Variants in KIAA1671 observed in about 807,000 individuals in gnomAD.
KIAA1671 encodes the protein KIAA1671, also known as uncharacterized protein KIAA1671.
A neutral mutation model predicts 131.2 loss-of-function variants in KIAA1671; 52 were observed. That is an observed-to-expected ratio of 0.40 (90% CI 0.32 to 0.50). The LOEUF (loss-of-function observed/expected upper bound fraction) is 0.50, where lower values mean the gene tolerates loss of function less well. Among genes scored for constraint, KIAA1671 ranks in the 20% least tolerant of loss-of-function variants. The pLI, the probability that KIAA1671 is intolerant of heterozygous loss-of-function variation, is 0.73. For synonymous variants in KIAA1671, 1,003 were observed against 961.6 expected (o/e 1.04, Z -0.80); for missense variants, 2,360 against 2,364.2 (o/e 1.00, Z 0.04).
chr22:25,100,431 C>T (rs1427474541), intron 6 of KIAA1671, among the ~76,000 whole-genome samples: 5 of 152,308 alleles, frequency 3.3e-5, no homozygotes, highest in Admixed American at 2.0e-4. Context: ...AAGGTCTTCC[C>T]TCCTATGACC....
intron 6 of KIAA1671, among the ~76,000 whole-genome samples, chr22:25,151,879 CA>C (rs1933057114): frequency 6.6e-6 from 1 of 152,130 alleles, no homozygotes; most frequent in Non-Finnish European, 1.5e-5. Context: ...GCTGGGACTA[CA>C]GGTGTGAGCC....
At chr22:25,092,906 G>C (rs948844002) in intron 6 of KIAA1671, among the ~76,000 whole-genome samples, 2 of 152,154 alleles carry the variant, frequency 1.3e-5, no homozygotes, top group Non-Finnish European at 2.9e-5. Flanking sequence ...GTGGCCCCTC[G>C]GCCCCCTGCA....
intron 1 of KIAA1671, among the ~76,000 whole-genome samples, chr22:24,990,164 C>T (rs1055078948): frequency 1.4e-4 from 21 of 151,988 alleles, no homozygotes; most frequent in African/African-American, 4.1e-4. Context: ...GATCTCAGCT[C>T]GCTGCAACCT....
Position 25,039,540 on chromosome 22 carries a change from G to A in KIAA1671, c.2410G>A (p.Gly804Ser). 1.3e-6 allele frequency: 2 copies of A among 1,551,844 alleles called. No homozygotes were observed. The highest frequency in any genetic ancestry group is 1.7e-6 in the Non-Finnish European group (2 of 1,147,028). Residue 804 changes from glycine to serine, a missense_variant, in exon 5 of 13, where the codon GGC becomes AGC. Gly to Ser is a moderately conservative substitution (Grantham distance 56, BLOSUM62 0). Around this residue, in one of 3 missense-constraint regions of KIAA1671, gnomAD observed 1,185 missense variants for 1,126.2 expected, o/e 1.05. Transcript: ENST00000358431. ...GGCCAGTTTGATTTGGGAAGCTCGA[G>A]GCATGCCTGAGGCTAGTGGACCGAA... ...QRASLIWEARGMPEASGPKFG... is the reference protein window; with the variant it reads ...QRASLIWEARSMPEASGPKFG...
At position 25,029,464 on chromosome 22, in the gene KIAA1671, G is replaced by T; in HGVS notation, c.1465G>T (p.Glu489Ter). ...GGAACGGATCAGAGGCTGGACTGCC[G>T]AGAGCTCAGAGGCTAAGCCCGAGGT... The part of the protein sequence containing the change: ...VQERIRGWTA[E>*]SSEAKPEVRR... Residue 489 changes from glutamate to a stop codon, truncating the protein, a stop_gained, in exon 3 of 13, where the codon GAG becomes TAG. Coordinates refer to ENST00000358431, the MANE Select transcript of KIAA1671 (RefSeq NM_001145206.2). LOFTEE classifies it high-confidence loss of function. 1 of 1,551,276 alleles carries T rather than the reference G, an allele frequency of 6.4e-7. No individual in the cohort carries two copies. Among genetic ancestry groups the T allele is most frequent in the Non-Finnish European group, 8.7e-7 (1 of 1,146,814 alleles).
chr22:25,009,750 T>G (rs562992877), intron 1 of KIAA1671: 14 of 152,096 alleles, frequency 9.2e-5, no homozygotes, highest in African/African-American at 3.4e-4. Context: ...CCCAGCTAAA[T>G]TTTTTGTATT....
At chr22:25,137,671 A>G (rs928389422) in intron 6 of KIAA1671, among the ~76,000 whole-genome samples, 8 of 152,238 alleles carry the variant, frequency 5.3e-5, no homozygotes, top group Admixed American at 1.3e-4. Flanking sequence ...ACCAACTTCT[A>G]TAAGTGTGTT....
intron 6 of KIAA1671, among the ~76,000 whole-genome samples, chr22:25,132,658 C>T (rs1432570634): frequency 6.6e-6 from 1 of 152,170 alleles, no homozygotes; most frequent in Non-Finnish European, 1.5e-5. Context: ...ACCTTAGACC[C>T]TGCCAGCTGT....
rs1930228036 is a variant in KIAA1671 at position 25,093,807 on chromosome 22, TCTCTG to T, written c.4530+44444_4530+44448del. On this transcript the variant is annotated intron_variant, in intron 6 of 12. Transcript: ENST00000358431. Reference sequence around the variant, plus strand: ...CTCTCTCTCTCTCTCTCTCTCTCTCTCTCTGTCTCTCTCTCTTTCTCTCTCTGTCT... The same window carrying T: ...CTCTCTCTCTCTCTCTCTCTCTCTCTTCTCTCTCTCTTTCTCTCTCTGTCT... Among the ~76,000 whole-genome samples, 8 of 138,252 alleles carry T rather than the reference TCTCTG, an allele frequency of 5.8e-5. 1 individual carries two copies. The highest frequency in any genetic ancestry group is 2.1e-4 in the African/African-American group (8 of 37,276). The allele number at this position is 138,252 out of a possible 152,430, so 90.7% of individuals were successfully genotyped here.
chr22:25,162,452 A>G (rs1029236758), intron 6 of KIAA1671, among the ~76,000 whole-genome samples: 1 of 152,208 alleles, frequency 6.6e-6, no homozygotes, highest in African/African-American at 2.4e-5. Flanking sequence ...GTTCTTTCTT[A>G]GGCGGATGTG....
intron 1 of KIAA1671, among the ~76,000 whole-genome samples, chr22:24,977,054 T>A (rs1569196534): frequency 6.6e-6 from 1 of 152,124 alleles, no homozygotes; most frequent in Non-Finnish European, 1.5e-5. Context: ...AGTAGAACCA[T>A]CTCAGAGAGC....
chr22:25,002,705 C>G (rs1020945751), intron 1 of KIAA1671, among the ~76,000 whole-genome samples: 21 of 152,186 alleles, frequency 1.4e-4, no homozygotes, highest in Admixed American at 1.2e-3. Context: ...GCTGAACCCT[C>G]CCTGAGAAAC....
chr22:25,150,520 G>A (rs905577201), intron 6 of KIAA1671, among the ~76,000 whole-genome samples: 1 of 152,162 alleles, frequency 6.6e-6, no homozygotes, highest in African/African-American at 2.4e-5. Context: ...CACTCTTTCG[G>A]GCTGCCCCTG....
At chr22:24,960,935 A>G (rs1921987408) in intron 1 of KIAA1671, among the ~76,000 whole-genome samples, 1 of 152,182 alleles carries the variant, frequency 6.6e-6, no homozygotes. Flanking sequence ...GCCATAGGAC[A>G]TGGCCTCTGG....
intron 6 of KIAA1671, among the ~76,000 whole-genome samples, chr22:25,134,282 G>A (rs1464194717): frequency 6.6e-6 from 1 of 152,118 alleles, no homozygotes; most frequent in African/African-American, 2.4e-5. Context: ...GGATTCTTGT[G>A]TTTACCATGG....
intron 9 of KIAA1671, among the ~76,000 whole-genome samples, chr22:25,181,401 T>A (rs1193829324): frequency 7.5e-6 from 1 of 134,070 alleles, no homozygotes; most frequent in Admixed American, 8.1e-5. Flanking sequence ...AAAGATTTCC[T>A]TCTATTCCCT....
In KIAA1671 at chr22:25,194,534, T is replaced by G. The variant is rs1247261863; in HGVS notation, c.*2133T>G. ...CTCATGCAAAACTCTCAATTCTTAA[T>G]TAGTCATGTCTCAGCTCAAGGATAT... On this transcript the variant is annotated 3_prime_UTR_variant, in exon 13 of 13. Transcript: ENST00000358431. 2 of 152,202 alleles carry G rather than the reference T, an allele frequency of 1.3e-5. No individual in the cohort carries two copies. Among genetic ancestry groups the G allele is most frequent in the African/African-American group, 4.8e-5 (2 of 41,448 alleles). The allele number at this position is 152,202 out of a possible 1,614,324, so 9.4% of individuals were successfully genotyped here. A position where few individuals can be genotyped will look rare whatever the true frequency, so the allele number is the denominator to read the frequency against.
At chr22:25,155,927 T>G (rs1048687778) in intron 6 of KIAA1671, among the ~76,000 whole-genome samples, 4 of 145,270 alleles carry the variant, frequency 2.8e-5, no homozygotes, top group Non-Finnish European at 4.5e-5. Flanking sequence ...TGTATATATA[T>G]TTATATAAAT....
chr22:25,019,093 T>TGTGTGTGTGTG (rs56396537), intron 1 of KIAA1671, among the ~76,000 whole-genome samples: 3 of 146,118 alleles, frequency 2.1e-5, no homozygotes, highest in Admixed American at 7.0e-5. Context: ...TGTGTGTGTG[T>TGTGTGTGTGTG]TTTAATTAAG....
Sources: gnomAD v4.1 joint callset for allele counts (sites outside exome capture counted in the v4.1 genomes callset) on GRCh38, gnomAD v4.1.1 for gene constraint, gnomAD v4.1.1 regional missense constraint, MANE v1.5 for transcripts, NCBI Gene and HGNC (gene_info 2026-07-23, HGNC 2026-07-21) for gene names.